Variants in KAZN observed in about 807,000 individuals in gnomAD.
KAZN encodes kazrin, periplakin interacting protein, also known as kazrin.
In KAZN, 40 loss-of-function variants were observed where a neutral mutation model predicts 87.4. That is an observed-to-expected ratio of 0.46 (90% CI 0.36 to 0.60). KAZN has a LOEUF of 0.60. Ranked by LOEUF, KAZN falls within the 20% of genes least tolerant of loss-of-function variation. The pLI is 0.00. For synonymous variants in KAZN, 466 were observed against 458.3 expected (o/e 1.02, Z -0.22); for missense variants, 898 against 1,073.9 (o/e 0.84, Z 2.29).
At chr1:14,206,286 T>A (rs1646743235) in intron 2 of KAZN, among the ~76,000 whole-genome samples, 1 of 152,184 alleles carries the variant, frequency 6.6e-6, no homozygotes, top group Admixed American at 6.5e-5. Context: ...AAAAAAGAAA[T>A]ATAGATGCAT....
At chr1:14,421,277 A>G (rs1457124897) in intron 2 of KAZN, among the ~76,000 whole-genome samples, 1 of 152,184 alleles carries the variant, frequency 6.6e-6, no homozygotes, top group Non-Finnish European at 1.5e-5. Context: ...CTTGAATAGT[A>G]GAGCATTCCT....
intron 1 of KAZN, among the ~76,000 whole-genome samples, chr1:13,979,533 G>A (rs1277928225): frequency 6.6e-6 from 1 of 152,214 alleles, no homozygotes; most frequent in African/African-American, 2.4e-5. Context: ...AGGACTTCTA[G>A]ATGGAAGCAT....
At chr1:14,519,824 G>T (rs960830426) in intron 2 of KAZN, among the ~76,000 whole-genome samples, 10 of 152,074 alleles carry the variant, frequency 6.6e-5, no homozygotes, top group African/African-American at 2.2e-4. Flanking sequence ...CCAGCAGCAG[G>T]AGAAATGTCT....
intron 1 of KAZN, among the ~76,000 whole-genome samples, chr1:13,934,775 CTATT>C (rs1388421448): frequency 1.3e-5 from 2 of 148,632 alleles, no homozygotes; most frequent in Non-Finnish European, 3.0e-5. Context: ...AAGATTCACT[CTATT>C]TACTTGGGTT....
chr1:14,421,080 C>T (rs190873228), intron 2 of KAZN, among the ~76,000 whole-genome samples: 3 of 152,358 alleles, frequency 2.0e-5, no homozygotes, highest in Admixed American at 2.0e-4. Context: ...ACGCTGCCCT[C>T]TCTCAGGAAT....
At position 15,101,739 on chromosome 1, in the gene KAZN, A is replaced by G; in HGVS notation, c.1744A>G (p.Ile582Val). The G allele has an allele frequency of 1.3e-6, 2 of 1,588,904 alleles. No homozygotes were observed. Among genetic ancestry groups the G allele is most frequent in the Non-Finnish European group, 1.7e-6 (2 of 1,167,368 alleles). ...CCACCAGGTCAGCATCCTGCTGGGG[A>G]TCGAGCTGCTGTACCAAGTGAACTT... ...KFHQVSILLG[I>V]ELLYQVNFSR... is the part of the protein sequence containing the mutation. Residue 582 changes from isoleucine to valine, a missense_variant, in exon 11 of 15, where the codon ATC (isoleucine) becomes GTC (valine). By Grantham distance (29) the Ile-to-Val change is conservative (BLOSUM62 3). Coordinates refer to ENST00000376030, the MANE Select transcript of KAZN (RefSeq NM_201628.3).
At chr1:15,052,204 C>T (rs1573195969) in intron 4 of KAZN, among the ~76,000 whole-genome samples, 1 of 151,594 alleles carries the variant, frequency 6.6e-6, no homozygotes, top group Non-Finnish European at 1.5e-5. Flanking sequence ...AAGACATACC[C>T]GAGACTGGGT....
At chr1:14,908,221 G>C (rs1167340682) in intron 1 of KAZN, among the ~76,000 whole-genome samples, 1 of 151,136 alleles carries the variant, frequency 6.6e-6, no homozygotes, top group Non-Finnish European at 1.5e-5. Flanking sequence ...AACATAGCAA[G>C]ACCCCTATCT....
At chr1:14,579,696 A>T (rs190807380) in intron 2 of KAZN, among the ~76,000 whole-genome samples, 1,617 of 152,158 alleles carry the variant, frequency 0.011, 29 homozygotes, top group African/African-American at 0.037. Context: ...TGAAAAAAAA[A>T]TTTTTTTAGC....
intron 1 of KAZN, among the ~76,000 whole-genome samples, chr1:14,917,513 A>C (rs1375727369): frequency 6.6e-6 from 1 of 152,324 alleles, no homozygotes; most frequent in East Asian, 1.9e-4. Context: ...ATGTTTCACT[A>C]GCCCAGTTTT....
intron 1 of KAZN, among the ~76,000 whole-genome samples, chr1:14,789,760 CAAAAAAAAAAAAAAAAA>C (rs3032757): frequency 9.1e-4 from 42 of 46,234 alleles, no homozygotes; most frequent in African/African-American, 1.2e-3. Flanking sequence ...TCCTCATTAC[CAAAAAAAAAAAAAAAAA>C]AAAAAAAAAA....
At position 15,085,885 on chromosome 1, in the gene KAZN, C is replaced by T. The variant is rs115818423; in HGVS notation, c.1223-8295C>T. Among the ~76,000 whole-genome samples, 316 of 152,332 alleles carry T rather than the reference C, an allele frequency of 2.1e-3. 1 individual carries two copies. The highest frequency in any genetic ancestry group is 6.7e-3 in the African/African-American group (280 of 41,582). ...ATTCAAAAAAAGGAGTCCAGAGATA[C>T]AGGAAGCACAATTATATCATTCAGA... On this transcript the variant is annotated intron_variant, in intron 8 of 14. Coordinates refer to ENST00000376030, the MANE Select transcript of KAZN (RefSeq NM_201628.3).
intron 1 of KAZN, among the ~76,000 whole-genome samples, chr1:14,040,798 TTAAAATAAAA>T (rs1180633921): frequency 3.1e-5 from 4 of 128,374 alleles, no homozygotes; most frequent in South Asian, 4.6e-4. Context: ...TTAAATTAAA[TTAAAATAAAA>T]TAAAATAAAA....
rs549055065 is a variant in KAZN, at chr1:14,946,486, T to C, written c.227-14198T>C. On this transcript the variant is annotated intron_variant, in intron 1 of 14. Transcript: ENST00000376030. The stretch of plus-strand genomic sequence containing the variant: ...CCGAGTCACTGGGGCTACAGGCGCC[T>C]GCCACCACGCTTGGCTAATTTTTTG... Among the ~76,000 whole-genome samples, 33 of 152,144 alleles carry C rather than the reference T, an allele frequency of 2.2e-4. No homozygotes were observed. In the South Asian group the frequency reaches 2.7e-3, roughly 12 times the overall value.
intron 2 of KAZN, among the ~76,000 whole-genome samples, chr1:14,968,579 C>T (rs1210530255): frequency 2.6e-5 from 4 of 152,134 alleles, no homozygotes; most frequent in Non-Finnish European, 4.4e-5. Flanking sequence ...GCTTAGGACA[C>T]GTGAGGGTCA....
intron 1 of KAZN, among the ~76,000 whole-genome samples, chr1:14,884,995 C>T (rs1178300621): frequency 6.6e-6 from 1 of 152,164 alleles, no homozygotes; most frequent in East Asian, 1.9e-4. Flanking sequence ...CTGTGCTCAC[C>T]GAGGGAGTCC....
intron 2 of KAZN, among the ~76,000 whole-genome samples, chr1:14,341,977 C>G (rs1405161263): frequency 3.3e-5 from 5 of 152,162 alleles, no homozygotes; most frequent in Non-Finnish European, 7.3e-5. Context: ...CATCTCCCTC[C>G]TCCCACCCAC....
chr1:14,076,310 C>T (rs1643458385), intron 1 of KAZN, among the ~76,000 whole-genome samples: 1 of 151,958 alleles, frequency 6.6e-6, no homozygotes, highest in Non-Finnish European at 1.5e-5. Context: ...GACACACAGA[C>T]AGGTCAGCAC....
intron 1 of KAZN, among the ~76,000 whole-genome samples, chr1:14,165,973 G>T (rs550795446): frequency 2.0e-5 from 3 of 152,084 alleles, no homozygotes; most frequent in Admixed American, 2.0e-4. Flanking sequence ...ACAAAGAGCC[G>T]GCAGCAGTAC....
Sources: gnomAD v4.1 joint callset for allele counts (sites outside exome capture counted in the v4.1 genomes callset) on GRCh38, gnomAD v4.1.1 for gene constraint, MANE v1.5 for transcripts, NCBI Gene and HGNC (gene_info 2026-07-23, HGNC 2026-07-21) for gene names.